SIPA1L2: variants seen among roughly 807,000 people sequenced by gnomAD.
SIPA1L2 encodes signal induced proliferation associated 1 like 2, also known as signal-induced proliferation-associated 1-like protein 2.
A neutral mutation model predicts 163.9 loss-of-function variants in SIPA1L2; 56 were observed. The observed-to-expected ratio is 0.34, with a 90% CI of 0.28 to 0.43. The LOEUF is 0.43. Among genes scored for constraint, SIPA1L2 ranks in the 20% least tolerant of loss-of-function variants. The pLI is 1.00. For missense variants in SIPA1L2, 1,974 were observed against 2,193.5 expected, an observed-to-expected ratio of 0.90 and a Z score of 2.00; for synonymous variants, 877 against 865.7, an observed-to-expected ratio of 1.01 and a Z score of -0.23.
At chr1:232,470,196 T>C (rs1664732402) in intron 8 of SIPA1L2, among the ~76,000 whole-genome samples, 1 of 152,208 alleles carries the variant, frequency 6.6e-6, no homozygotes, top group Admixed American at 6.5e-5. Context: ...GTAGATACTA[T>C]ATTCTTTCAA....
chr1:232,479,553 G>C (rs1246669700), intron 7 of SIPA1L2, 74 bp downstream of exon 7: 11 of 1,123,790 alleles, frequency 9.8e-6, no homozygotes, highest in Non-Finnish European at 1.5e-5. Flanking sequence ...AGTTCTACAT[G>C]CATCAATATC....
chr1:232,500,257 A>G (rs1273497949), intron 3 of SIPA1L2, among the ~76,000 whole-genome samples: 3 of 152,270 alleles, frequency 2.0e-5, no homozygotes, highest in Admixed American at 1.3e-4. Flanking sequence ...CATGCCTGCT[A>G]ACACCACATT....
intron 2 of SIPA1L2, among the ~76,000 whole-genome samples, chr1:232,545,161 A>G (rs1013257484): frequency 1.3e-4 from 20 of 152,230 alleles, no homozygotes; most frequent in African/African-American, 4.8e-4. Context: ...TTAATGCCTT[A>G]ATTTTTACCA....
At chr1:232,589,985 G>A (rs1660878489) in intron 1 of SIPA1L2, among the ~76,000 whole-genome samples, 1 of 152,188 alleles carries the variant, frequency 6.6e-6, no homozygotes, top group South Asian at 2.1e-4. Context: ...TCCAGCCAAG[G>A]AGGACGAATC....
rs12757122 is a variant in SIPA1L2, at chr1:232,606,678, A to G, written c.-319+23191T>C. ...TTATTAATACTAAAAAAGATCCTGAAACTAATTTCAATGCCTTTAAATTAT... is the reference window on the plus strand; with the variant it reads ...TTATTAATACTAAAAAAGATCCTGAGACTAATTTCAATGCCTTTAAATTAT... On this transcript the variant is annotated intron_variant, in intron 1 of 22. Transcript: ENST00000674635. Among the ~76,000 whole-genome samples the G allele has an allele frequency of 6.1e-3, 917 of 149,682 alleles. 9 individuals are homozygous for G. The highest frequency in any genetic ancestry group is 0.01 in the Non-Finnish European group (705 of 67,486).
chr1:232,504,539 G>C (rs1447669572), intron 3 of SIPA1L2, among the ~76,000 whole-genome samples: 1 of 148,258 alleles, frequency 6.7e-6, no homozygotes, highest in East Asian at 2.0e-4. Flanking sequence ...CTCCATCTCA[G>C]AAAGACAAAA....
At chr1:232,609,167 G>A (rs868825243) in intron 1 of SIPA1L2, among the ~76,000 whole-genome samples, 65 of 152,054 alleles carry the variant, frequency 4.3e-4, no homozygotes, top group African/African-American at 1.4e-3. Flanking sequence ...TCATTAGGAT[G>A]GTGTTAAAAC....
At chr1:232,485,106 G>A (rs1483499356) in intron 5 of SIPA1L2, among the ~76,000 whole-genome samples, 1 of 152,198 alleles carries the variant, frequency 6.6e-6, no homozygotes, top group African/African-American at 2.4e-5. Flanking sequence ...CCACATGCTG[G>A]ATAAACTTAG....
chr1:232,425,847 A>T lies in SIPA1L2; in HGVS notation c.4411-39T>A, dbSNP rs1420341345. The stretch of plus-strand genomic sequence containing the variant: ...AAGGTGCGAGGAGGGAACAGACATT[A>T]AAAAAACGAATGCACGGGGCTTGTT... On this transcript the variant is annotated intron_variant, in intron 17 of 22. Transcript: ENST00000674635. The T allele has an allele frequency of 2.6e-6, 4 of 1,565,818 alleles. No individual in the cohort carries two copies. In the Admixed American group the frequency reaches 6.8e-5, roughly 27 times the overall value.
rs377168633 is a variant in SIPA1L2 at position 232,465,535 on chromosome 1, T to C, written c.2244-119A>G. The C allele has an allele frequency of 2.3e-3, 1,858 of 795,356 alleles. 4 individuals carry two copies. The Middle Eastern group carries it at 0.029, about 12-fold the overall frequency. The allele number at this position is 795,356 out of a possible 1,614,324, so 49.3% of individuals were successfully genotyped here. A position where few individuals can be genotyped will look rare whatever the true frequency, so the allele number is the denominator to read the frequency against. On this transcript the variant is annotated intron_variant, in intron 8 of 22. Coordinates refer to ENST00000674635, the MANE Select transcript of SIPA1L2 (RefSeq NM_020808.5). This position sits in a 1 kb window ranked among gnomAD's most constrained non-coding sequence, Gnocchi z 4.1. ...ATATACATACACACACACACACACA[T>C]ATACATACACACATACACACACACT...
In SIPA1L2 at chr1:232,514,017, A is replaced by G. The variant is rs766435961; in HGVS notation, c.1323T>C (p.Ser441=). The G allele has an allele frequency of 5.0e-6, 8 of 1,614,104 alleles. No homozygotes were observed. The South Asian group carries it at 8.8e-5, about 18-fold the overall frequency. Residue 441 remains serine, a synonymous_variant, in exon 3 of 23, where the codon TCT becomes TCC. Transcript: ENST00000674635. ...SSSFSSGESC[S]FESSLSSHCT... is the part of the protein sequence containing the mutation. ...AGTGAGAGCTGAGTGACGATTCGAA[A>G]GAGCAGCTTTCCCCAGAACTGAAAG...
At chr1:232,437,926 G>A (rs1252798588) in intron 15 of SIPA1L2, among the ~76,000 whole-genome samples, 1 of 152,174 alleles carries the variant, frequency 6.6e-6, no homozygotes, top group Non-Finnish European at 1.5e-5. Flanking sequence ...GGAGTGGGAA[G>A]ATGGAGGCAA....
intron 2 of SIPA1L2, among the ~76,000 whole-genome samples, chr1:232,524,798 A>C (rs938983508): frequency 2.0e-5 from 3 of 152,206 alleles, no homozygotes; most frequent in African/African-American, 7.2e-5. Flanking sequence ...ATACATAAAA[A>C]TACAGGAAAG....
intron 18 of SIPA1L2, among the ~76,000 whole-genome samples, chr1:232,422,718 A>G (rs1266365181): frequency 6.6e-6 from 1 of 152,208 alleles, no homozygotes; most frequent in African/African-American, 2.4e-5. Flanking sequence ...CCAAGTTTTG[A>G]AGTGAAGCTA....
chr1:232,610,227 T>C (rs981428963), intron 1 of SIPA1L2, among the ~76,000 whole-genome samples: 4 of 152,212 alleles, frequency 2.6e-5, no homozygotes, highest in Admixed American at 6.5e-5. Flanking sequence ...ATTTATATTC[T>C]CAGAAGTACC....
At chr1:232,587,204 G>C (rs909774856) in intron 1 of SIPA1L2, among the ~76,000 whole-genome samples, 10 of 152,162 alleles carry the variant, frequency 6.6e-5, no homozygotes, top group African/African-American at 1.9e-4. Context: ...CATAAAGTAT[G>C]AACTGATACA....
chr1:232,575,617 TA>T (rs538441525), intron 1 of SIPA1L2, among the ~76,000 whole-genome samples: 25 of 147,254 alleles, frequency 1.7e-4, no homozygotes, highest in African/African-American at 3.0e-4. Context: ...AGTGGGTACC[TA>T]AAAAAAAAAA....
At chr1:232,584,154 G>A (rs1372860584) in intron 1 of SIPA1L2, among the ~76,000 whole-genome samples, 5 of 152,098 alleles carry the variant, frequency 3.3e-5, no homozygotes, top group African/African-American at 1.2e-4. Context: ...GAGAGGCCAA[G>A]AAGAATTCTA....
At chr1:232,481,089 C>T (rs1209851689) in intron 6 of SIPA1L2, among the ~76,000 whole-genome samples, 2 of 152,070 alleles carry the variant, frequency 1.3e-5, no homozygotes, top group African/African-American at 4.8e-5. Context: ...AATATTCATC[C>T]AAAAAGTTAT....
Sources: gnomAD v4.1 joint callset for allele counts (sites outside exome capture counted in the v4.1 genomes callset) on GRCh38, gnomAD v4.1.1 for gene constraint, Gnocchi (gnomAD v3.1) non-coding constraint, MANE v1.5 for transcripts, NCBI Gene and HGNC (gene_info 2026-07-23, HGNC 2026-07-21) for gene names.